GALNT13: variants seen among roughly 807,000 people sequenced by gnomAD.
GALNT13 encodes the protein UDP-GalNAc:polypeptide N-acetylgalactosaminyltransferase 13.
GALNT13 carries 28 observed loss-of-function variants against 64.2 expected under a neutral mutation model. The ratio of observed to expected loss-of-function variants is 0.44; its 90% CI spans 0.32 to 0.60. The LOEUF is 0.60. GALNT13 is among the 20% of genes least tolerant of loss of function. The probability of loss-of-function intolerance (pLI) is 0.05; values close to 1 mark genes in which losing one functional copy is unlikely to be tolerated. For synonymous variants in GALNT13, 214 were observed against 224.6 expected, an observed-to-expected ratio of 0.95 and a Z score of 0.42; for missense variants, 577 against 669.8, an observed-to-expected ratio of 0.86 and a Z score of 1.53.
At chr2:154,385,533 A>G (rs1270750697) in intron 9 of GALNT13, among the ~76,000 whole-genome samples, 1 of 152,034 alleles carries the variant, frequency 6.6e-6, no homozygotes, top group African/African-American at 2.4e-5. Context: ...CTATTTTCTA[A>G]GTATACTTAA....
the GALNT13 span, among the ~76,000 whole-genome samples, chr2:153,413,621 C>A: frequency 2.0e-5 from 3 of 152,032 alleles, no homozygotes; most frequent in Non-Finnish European, 2.9e-5. Flanking sequence ...CTATTGAGTC[C>A]ATGTAAAATA....
At chr2:153,688,481 C>G in the GALNT13 span, among the ~76,000 whole-genome samples, 3 of 151,936 alleles carry the variant, frequency 2.0e-5, no homozygotes, top group Non-Finnish European at 4.4e-5. Flanking sequence ...AGAAAGTACA[C>G]ACATCATTAG....
chr2:153,868,501 A>C (rs1042024026), upstream of GALNT13, among the ~76,000 whole-genome samples: 1 of 152,164 alleles, frequency 6.6e-6, no homozygotes, highest in Non-Finnish European at 1.5e-5. Flanking sequence ...CCATCATCCT[A>C]CTCATCCAAT....
At chr2:154,212,328 T>C (rs1687821163) in intron 4 of GALNT13, among the ~76,000 whole-genome samples, 1 of 151,964 alleles carries the variant, frequency 6.6e-6, no homozygotes, top group Non-Finnish European at 1.5e-5. Flanking sequence ...CACTTCAACC[T>C]CTGCCTCCTG....
At chr2:153,242,023 G>C in the GALNT13 span, among the ~76,000 whole-genome samples, 1 of 152,008 alleles carries the variant, frequency 6.6e-6, no homozygotes, top group East Asian at 1.9e-4. Context: ...ACTTGTCGTG[G>C]TTTCACCATC....
chr2:154,419,661 CT>C (rs1259167283), intron 11 of GALNT13, among the ~76,000 whole-genome samples: 1 of 152,042 alleles, frequency 6.6e-6, no homozygotes, highest in Admixed American at 6.6e-5. Flanking sequence ...TATATGATTC[CT>C]TGTGTCCATA....
chr2:153,283,051 A>C, the GALNT13 span, among the ~76,000 whole-genome samples: 1 of 152,174 alleles, frequency 6.6e-6, no homozygotes, highest in Non-Finnish European at 1.5e-5. Context: ...ATACTCCATC[A>C]TTGTTTATTA....
At chr2:154,252,793 A>G (rs1690157002) in intron 7 of GALNT13, among the ~76,000 whole-genome samples, 1 of 152,088 alleles carries the variant, frequency 6.6e-6, no homozygotes, top group East Asian at 1.9e-4. Flanking sequence ...TAGATAAGGA[A>G]AGGAGAGGAG....
the GALNT13 span, among the ~76,000 whole-genome samples, chr2:153,501,199 C>CA: frequency 6.6e-6 from 1 of 152,082 alleles, no homozygotes; most frequent in Non-Finnish European, 1.5e-5. Context: ...AATGATGACT[C>CA]AAAAATTTTC....
chr2:154,394,056 C>T (rs62172327), intron 9 of GALNT13, among the ~76,000 whole-genome samples: 1 of 102,436 alleles, frequency 9.8e-6, no homozygotes, highest in African/African-American at 3.9e-5. Context: ...CCAGCCTGGG[C>T]GACAGAGCGA....
chr2:154,134,160 GAAC>G (rs1166689766), intron 3 of GALNT13, among the ~76,000 whole-genome samples: 3 of 152,076 alleles, frequency 2.0e-5, no homozygotes, highest in African/African-American at 7.2e-5. Flanking sequence ...TGTCCAAGAG[GAAC>G]AACAACTACA....
At chr2:153,932,438 A>G (rs1690595489) in intron 2 of GALNT13, among the ~76,000 whole-genome samples, 1 of 151,648 alleles carries the variant, frequency 6.6e-6, no homozygotes, top group Admixed American at 6.6e-5. Context: ...TCTTCTTAAT[A>G]CTGCTTTAGC....
At chr2:153,434,400 G>A in the GALNT13 span, among the ~76,000 whole-genome samples, 71 of 152,200 alleles carry the variant, frequency 4.7e-4, no homozygotes, top group Middle Eastern at 3.4e-3. Context: ...CTGAGGAATC[G>A]CCACACCGAC....
the GALNT13 span, among the ~76,000 whole-genome samples, chr2:153,842,555 A>G: frequency 6.6e-6 from 1 of 152,200 alleles, no homozygotes; most frequent in East Asian, 1.9e-4. Flanking sequence ...AAGGTCATCT[A>G]TTTCTACACA....
chr2:153,222,517 C>G, the GALNT13 span, among the ~76,000 whole-genome samples: 1 of 152,136 alleles, frequency 6.6e-6, no homozygotes, highest in African/African-American at 2.4e-5. Flanking sequence ...GATGGGACTT[C>G]ACTGAGGACC....
the GALNT13 span, among the ~76,000 whole-genome samples, chr2:153,533,273 T>C: frequency 1.3e-5 from 2 of 152,070 alleles, no homozygotes; most frequent in African/African-American, 4.8e-5. Context: ...TCTTTTTCAA[T>C]GGAGTTTTGT....
At chr2:153,700,521 G>T in the GALNT13 span, among the ~76,000 whole-genome samples, 10 of 152,222 alleles carry the variant, frequency 6.6e-5, 3 homozygotes, top group South Asian at 2.1e-3. Flanking sequence ...GAAATAAAGG[G>T]TATTCAAGTA....
At chr2:153,742,500 T>C in the GALNT13 span, among the ~76,000 whole-genome samples, 2 of 152,122 alleles carry the variant, frequency 1.3e-5, no homozygotes, top group African/African-American at 4.8e-5. Context: ...TTTTGCAGTA[T>C]GGTTTGGGCT....
rs145583574 is a variant in GALNT13, at chr2:154,046,996, A to G, written c.143-93341A>G. ...AATATACAGTACTTTCTGGTGAGTA[A>G]GTTTTTATTTTCCCTGAGTGAATTT... On this transcript the variant is annotated intron_variant, in intron 3 of 12. Coordinates refer to ENST00000392825, the MANE Select transcript of GALNT13 (RefSeq NM_052917.4). Among the ~76,000 whole-genome samples the G allele has an allele frequency of 3.0e-3, 460 of 151,972 alleles. 3 individuals carry two copies. Among genetic ancestry groups the G allele is most frequent in the South Asian group, 6.4e-3 (31 of 4,824 alleles).
Sources: allele counts gnomAD v4.1 joint callset (sites outside exome capture counted in the v4.1 genomes callset), GRCh38; gene constraint gnomAD v4.1.1; transcripts MANE v1.5; gene names NCBI Gene and HGNC (gene_info 2026-07-23, HGNC 2026-07-21).